Variants in SHISAL2B observed in about 807,000 individuals in gnomAD.
SHISAL2B encodes the protein shisa like 2B.
SHISAL2B carries 12 observed loss-of-function variants against 16.5 expected under a neutral mutation model. The observed-to-expected ratio is 0.73, with a 90% CI of 0.47 to 1.18. SHISAL2B has a LOEUF of 1.18. Among genes scored for constraint, SHISAL2B ranks in the 50% most tolerant of loss-of-function variants. The probability of loss-of-function intolerance (pLI) is 0.00; values close to 1 mark genes in which losing one functional copy is unlikely to be tolerated. For missense variants in SHISAL2B, 183 were observed against 193.6 expected (o/e 0.95, Z 0.33); for synonymous variants, 72 against 75.0 (o/e 0.96, Z 0.21).
At chr5:64,714,632 C>T (rs1410074434) in intron 2 of SHISAL2B, among the ~76,000 whole-genome samples, 1 of 152,178 alleles carries the variant, frequency 6.6e-6, no homozygotes, top group Non-Finnish European at 1.5e-5. Flanking sequence ...GGCGCCCCTC[C>T]CCCAGCCTGG....
chr5:64,706,513 C>A (rs1279513061), intron 2 of SHISAL2B, among the ~76,000 whole-genome samples: 1 of 152,164 alleles, frequency 6.6e-6, no homozygotes, highest in African/African-American at 2.4e-5. Flanking sequence ...CCACCCTTTT[C>A]TTTTTAAAAT....
chr5:64,703,123 G>T (rs1420322777), intron 2 of SHISAL2B, among the ~76,000 whole-genome samples: 1 of 152,118 alleles, frequency 6.6e-6, no homozygotes. Context: ...AAGACAAATG[G>T]TATTTTGATG....
At chr5:64,697,226 C>CCA (rs1741750818) in intron 2 of SHISAL2B, among the ~76,000 whole-genome samples, 11 of 152,216 alleles carry the variant, frequency 7.2e-5, no homozygotes, top group African/African-American at 2.7e-4. Flanking sequence ...CAAATATTTG[C>CCA]ATGACTCTAT....
In SHISAL2B at chr5:64,695,482, CAT is replaced by C. The variant is rs1741719802; in HGVS notation, c.192-22_192-21del. On this transcript the variant is annotated intron_variant, in intron 1 of 2. Coordinates refer to ENST00000389074, the MANE Select transcript of SHISAL2B (RefSeq NM_001164442.2). Reference sequence around the variant, plus strand: ...CCAGTGTGAACCACTTTGTGTGACACATATTTTTTTTCTGTTTTCCTCAGCAT... The same window carrying C: ...CCAGTGTGAACCACTTTGTGTGACACATTTTTTTTCTGTTTTCCTCAGCAT... 8.0e-6 allele frequency: 12 copies of C among 1,509,304 alleles called. No individual in the cohort carries two copies. In the South Asian group the frequency reaches 1.3e-4, roughly 16 times the overall value. The allele number at this position is 1,509,304 out of a possible 1,614,324, so 93.5% of individuals were successfully genotyped here. A position where few individuals can be genotyped will look rare whatever the true frequency, so the allele number is the denominator to read the frequency against.
chr5:64,714,696 C>T (rs1451791902), intron 2 of SHISAL2B, among the ~76,000 whole-genome samples: 3 of 152,120 alleles, frequency 2.0e-5, no homozygotes, highest in Admixed American at 6.5e-5. Flanking sequence ...AGCGAGATTC[C>T]GTGGGCGTAG....
At chr5:64,709,859 G>A (rs1287374505) in intron 2 of SHISAL2B, among the ~76,000 whole-genome samples, 2 of 152,054 alleles carry the variant, frequency 1.3e-5, no homozygotes, top group Non-Finnish European at 2.9e-5. Flanking sequence ...GTCTGTTCAT[G>A]TCCTTCGCCC....
In SHISAL2B at chr5:64,715,242, G is replaced by A. The variant is rs369167780; in HGVS notation, c.350-2647G>A. Among the ~76,000 whole-genome samples, 4 of 151,638 alleles carry A rather than the reference G, an allele frequency of 2.6e-5. No homozygotes were observed. The East Asian group carries it at 5.8e-4, about 22-fold the overall frequency. Reference sequence around the variant, plus strand: ...TTTAGTTATAGAAAGCAATTAATATGCAAAGCCAGGAAGTATTAGCATACT... The same window carrying A: ...TTTAGTTATAGAAAGCAATTAATATACAAAGCCAGGAAGTATTAGCATACT... On this transcript the variant is annotated intron_variant, in intron 2 of 2. Transcript: ENST00000389074.
intron 2 of SHISAL2B, among the ~76,000 whole-genome samples, chr5:64,705,766 C>T (rs904171362): frequency 6.6e-6 from 1 of 152,092 alleles, no homozygotes; most frequent in Non-Finnish European, 1.5e-5. Context: ...ACGACGTATC[C>T]CTGACACAGC....
At position 64,690,705 on chromosome 5, in the gene SHISAL2B, G is replaced by A. The variant is rs1310825153; in HGVS notation, c.82G>A (p.Gly28Ser). 2 of 1,535,578 alleles carry A rather than the reference G, an allele frequency of 1.3e-6. No homozygotes were observed. The highest frequency in any genetic ancestry group is 1.7e-6 in the Non-Finnish European group (2 of 1,146,510). Residue 28 changes from glycine to serine, a missense_variant, in exon 1 of 3, where the codon GGC becomes AGC. Coordinates refer to ENST00000389074, the MANE Select transcript of SHISAL2B (RefSeq NM_001164442.2). ...FVEPFQCPRR[G>S]EGAALQYCCG... ...GGAGCCCTTCCAGTGCCCCCGGCGC[G>A]GCGAGGGGGCAGCGCTCCAGTATTG...
chr5:64,703,430 T>C (rs1741836329), intron 2 of SHISAL2B, among the ~76,000 whole-genome samples: 1 of 152,198 alleles, frequency 6.6e-6, no homozygotes, highest in South Asian at 2.1e-4. Context: ...TCCTACAATG[T>C]AGAAAATCAA....
At chr5:64,704,890 A>C (rs1293651670) in intron 2 of SHISAL2B, among the ~76,000 whole-genome samples, 1 of 152,188 alleles carries the variant, frequency 6.6e-6, no homozygotes, top group Non-Finnish European at 1.5e-5. Flanking sequence ...GTTATTTCCC[A>C]ATATGTCCAA....
At chr5:64,714,746 G>A (rs1051167727) in intron 2 of SHISAL2B, among the ~76,000 whole-genome samples, 3 of 152,312 alleles carry the variant, frequency 2.0e-5, no homozygotes, top group East Asian at 1.9e-4. Context: ...CTCGTGGTGC[G>A]CTGTTTTTTT....
At chr5:64,706,917 T>C (rs1251601953) in intron 2 of SHISAL2B, among the ~76,000 whole-genome samples, 1 of 152,114 alleles carries the variant, frequency 6.6e-6, no homozygotes, top group African/African-American at 2.4e-5. Context: ...AAAAATTAAA[T>C]TAAAAACATT....
At chr5:64,701,899 C>T (rs1741813406) in intron 2 of SHISAL2B, among the ~76,000 whole-genome samples, 1 of 152,084 alleles carries the variant, frequency 6.6e-6, no homozygotes, top group Non-Finnish European at 1.5e-5. Context: ...ATCCTTGCTC[C>T]CCCAAAAGAA....
intron 1 of SHISAL2B, among the ~76,000 whole-genome samples, chr5:64,692,567 T>G (rs150890223): frequency 6.6e-6 from 1 of 152,354 alleles, no homozygotes; most frequent in East Asian, 1.9e-4. Context: ...TCTCCACTCC[T>G]AATTTAAAAT....
intron 2 of SHISAL2B, among the ~76,000 whole-genome samples, chr5:64,699,404 A>G (rs549520384): frequency 6.6e-6 from 1 of 152,222 alleles, no homozygotes; most frequent in Non-Finnish European, 1.5e-5. Context: ...ATATTTAAAC[A>G]TTGCTGTACC....
At chr5:64,715,708 C>T (rs1163453501) in intron 2 of SHISAL2B, among the ~76,000 whole-genome samples, 1 of 152,224 alleles carries the variant, frequency 6.6e-6, no homozygotes, top group East Asian at 1.9e-4. Flanking sequence ...TAAGTATTAA[C>T]TATCATTGTA....
At chr5:64,700,830 A>G (rs1741799197) in intron 2 of SHISAL2B, among the ~76,000 whole-genome samples, 1 of 152,180 alleles carries the variant, frequency 6.6e-6, no homozygotes, top group Non-Finnish European at 1.5e-5. Context: ...AAACTGCTCC[A>G]CCTCAGATCA....
chr5:64,715,420 A>G (rs188415659), intron 2 of SHISAL2B, among the ~76,000 whole-genome samples: 1 of 152,214 alleles, frequency 6.6e-6, no homozygotes, highest in Admixed American at 6.5e-5. Flanking sequence ...TTTGTGGCAG[A>G]TTTTCTAAAA....
Sources: gnomAD v4.1 joint callset for allele counts (sites outside exome capture counted in the v4.1 genomes callset) on GRCh38, gnomAD v4.1.1 for gene constraint, MANE v1.5 for transcripts, NCBI Gene and HGNC (gene_info 2026-07-23, HGNC 2026-07-21) for gene names.